Variants in GNA14 observed in about 807,000 individuals in gnomAD.
The protein encoded by GNA14 is G protein subunit alpha 14, also known as guanine nucleotide-binding protein subunit alpha-14.
Under a neutral mutation model 42.0 loss-of-function variants are expected in GNA14, and 50 were observed. The ratio of observed to expected loss-of-function variants is 1.19; its 90% CI spans 0.95 to 1.51. GNA14 has a LOEUF of 1.51. GNA14 is among the 40% of genes most tolerant of loss of function. GNA14 has a pLI of 0.00. For synonymous variants in GNA14, 173 were observed against 163.1 expected, an observed-to-expected ratio of 1.06 and a Z score of -0.46; for missense variants, 473 against 446.2, an observed-to-expected ratio of 1.06 and a Z score of -0.54.
At chr9:77,544,753 C>G (rs927040941) in intron 1 of GNA14, among the ~76,000 whole-genome samples, 2 of 150,054 alleles carry the variant, frequency 1.3e-5, no homozygotes, top group Non-Finnish European at 3.0e-5. Context: ...AATTGTTTTA[C>G]TTTCTTAAAA....
chr9:77,645,461 G>A (rs925777808), intron 1 of GNA14, among the ~76,000 whole-genome samples: 5 of 152,144 alleles, frequency 3.3e-5, no homozygotes, highest in African/African-American at 9.7e-5. Flanking sequence ...AGTTCTGAAC[G>A]GCTCTGTGTG....
At chr9:77,562,925 T>C (rs1376487504) in intron 1 of GNA14, among the ~76,000 whole-genome samples, 4 of 152,140 alleles carry the variant, frequency 2.6e-5, no homozygotes, top group African/African-American at 9.7e-5. Flanking sequence ...GGGCCTCCTA[T>C]AGGTCTTCAT....
intron 2 of GNA14, among the ~76,000 whole-genome samples, chr9:77,435,756 G>A (rs1018809532): frequency 6.6e-6 from 1 of 152,098 alleles, no homozygotes; most frequent in Admixed American, 6.5e-5. Context: ...CTCAGAAAAT[G>A]GAAAAGATAA....
chr9:77,535,582 T>C (rs1160235797), intron 1 of GNA14, among the ~76,000 whole-genome samples: 2 of 152,000 alleles, frequency 1.3e-5, no homozygotes, highest in African/African-American at 2.4e-5. Context: ...AAGATACTGA[T>C]TTATGAGAGA....
At chr9:77,465,777 T>C (rs919102397) in intron 2 of GNA14, among the ~76,000 whole-genome samples, 4 of 152,104 alleles carry the variant, frequency 2.6e-5, no homozygotes, top group Non-Finnish European at 5.9e-5. Flanking sequence ...GGCCAATTGT[T>C]AAAATGTTTT....
At chr9:77,631,174 C>T (rs1824093362) in intron 1 of GNA14, among the ~76,000 whole-genome samples, 1 of 152,158 alleles carries the variant, frequency 6.6e-6, no homozygotes, top group African/African-American at 2.4e-5. Flanking sequence ...TCACCCTTAA[C>T]ACCTTACTTC....
At chr9:77,584,885 G>T (rs1010537220) in intron 1 of GNA14, among the ~76,000 whole-genome samples, 1 of 152,088 alleles carries the variant, frequency 6.6e-6, no homozygotes, top group Non-Finnish European at 1.5e-5. Flanking sequence ...CATGGCATTT[G>T]TAAACTGTCA....
chr9:77,447,637 C>A (rs763704244), intron 2 of GNA14, among the ~76,000 whole-genome samples: 18,310 of 152,152 alleles, frequency 0.12, 1,530 homozygotes, highest in East Asian at 0.36. Context: ...GTGGGGAGGA[C>A]TCTCCTCCAC....
At chr9:77,428,077 T>G (rs867628897) in intron 5 of GNA14, among the ~76,000 whole-genome samples, 1 of 146,240 alleles carries the variant, frequency 6.8e-6, no homozygotes. Context: ...TTTTCTTTTT[T>G]TTTTTCTTTT....
intron 1 of GNA14, among the ~76,000 whole-genome samples, chr9:77,622,189 G>A (rs937400087): frequency 2.0e-5 from 3 of 152,170 alleles, no homozygotes; most frequent in Non-Finnish European, 4.4e-5. Context: ...ATGCAAATCA[G>A]AATATGGACA....
intron 2 of GNA14, among the ~76,000 whole-genome samples, chr9:77,435,050 TAAAAAAAAAA>T (rs3052358): frequency 4.2e-5 from 5 of 119,278 alleles, no homozygotes; most frequent in Admixed American, 8.8e-5. Context: ...TTCTTTCATT[TAAAAAAAAAA>T]AAAAAAAAAA....
intron 2 of GNA14, among the ~76,000 whole-genome samples, chr9:77,441,774 CCT>C (rs1388019686): frequency 6.6e-6 from 1 of 152,036 alleles, no homozygotes; most frequent in Admixed American, 6.6e-5. Flanking sequence ...TAAAATCACC[CCT>C]CTTTAACAAC....
chr9:77,578,407 C>G (rs1397533231), intron 1 of GNA14, among the ~76,000 whole-genome samples: 1 of 152,182 alleles, frequency 6.6e-6, no homozygotes, highest in Non-Finnish European at 1.5e-5. Flanking sequence ...TCTATTATAT[C>G]TAGGGCCAAT....
intron 1 of GNA14, chr9:77,580,551 G>A: frequency 2.0e-6 from 1 of 495,988 alleles, no homozygotes; most frequent in Non-Finnish European, 3.9e-6. Flanking sequence ...TCCACCAGAT[G>A]TTCCTATTAA....
intron 2 of GNA14, among the ~76,000 whole-genome samples, chr9:77,489,598 G>A (rs1564029765): frequency 6.6e-6 from 1 of 152,202 alleles, no homozygotes; most frequent in East Asian, 1.9e-4. Context: ...TGGTGCACCT[G>A]GAGTCTGTCC....
chr9:77,429,144 T>A, intron 4 of GNA14, 108 bp from the exon 5 acceptor site: 2 of 1,001,256 alleles, frequency 2.0e-6, no homozygotes, highest in East Asian at 2.5e-5. Context: ...TCCTCAGTAA[T>A]TTCTAAGAGA....
chr9:77,439,016 A>T (rs771886636), intron 2 of GNA14, among the ~76,000 whole-genome samples: 4 of 152,178 alleles, frequency 2.6e-5, no homozygotes, highest in African/African-American at 9.7e-5. Flanking sequence ...CTGGAGCCCA[A>T]TGTAGGATCA....
intron 2 of GNA14, among the ~76,000 whole-genome samples, chr9:77,475,134 T>G (rs113587483): frequency 1.6e-4 from 24 of 152,134 alleles, no homozygotes; most frequent in African/African-American, 5.8e-4. Context: ...AGACAACTCA[T>G]CTATATTGCT....
chr9:77,560,286 CTTTTT>C lies in GNA14; in HGVS notation c.125-31038_125-31034del, dbSNP rs770870060. On this transcript the variant is annotated intron_variant, in intron 1 of 6. Coordinates refer to ENST00000341700, the MANE Select transcript of GNA14 (RefSeq NM_004297.4). ...TAATTAATTTTTTTTCCTCTCCAGT[CTTTTT>C]TTTTTTTTTTTTTTTGAGGTGGAGT... Among the ~76,000 whole-genome samples the C allele has an allele frequency of 4.2e-5, 5 of 119,542 alleles. No homozygotes were observed. In the South Asian group the frequency reaches 8.2e-4, roughly 19 times the overall value. The allele number at this position is 119,542 out of a possible 152,430, so 78.4% of individuals were successfully genotyped here.
Sources: allele counts gnomAD v4.1 joint callset (sites outside exome capture counted in the v4.1 genomes callset), GRCh38; gene constraint gnomAD v4.1.1; transcripts MANE v1.5; gene names NCBI Gene and HGNC (gene_info 2026-07-23, HGNC 2026-07-21).